SLC9A5: variants seen among roughly 807,000 people sequenced by gnomAD.
The protein encoded by SLC9A5 is solute carrier family 9 member A5.
In SLC9A5, 52 loss-of-function variants were observed where a neutral mutation model predicts 91.7. That is an observed-to-expected ratio of 0.57 (90% confidence interval 0.45 to 0.71). The LOEUF is 0.71. Among genes scored for constraint, SLC9A5 ranks in the 30% least tolerant of loss-of-function variants. The pLI is 0.00. For synonymous variants in SLC9A5, 419 were observed against 474.5 expected (o/e 0.88, Z 1.52); for missense variants, 871 against 1,158.9 (o/e 0.75, Z 3.61).
chr16:67,257,187 G>A lies in SLC9A5; in HGVS notation c.1335+74G>A. ...GGGGAGTCTTGGAGCCTGTGGGACAGGGGCTTCTCTTCCCGCTGGGAGATG... is the reference window on the plus strand; with the variant it reads ...GGGGAGTCTTGGAGCCTGTGGGACAAGGGCTTCTCTTCCCGCTGGGAGATG... On this transcript the variant is annotated intron_variant, in intron 7 of 15. Coordinates refer to ENST00000299798, the MANE Select transcript of SLC9A5 (RefSeq NM_004594.3). The surrounding 1 kb of genome is among the most constrained non-coding windows in gnomAD (Gnocchi z 5.1). The A allele has an allele frequency of 6.8e-7, 1 of 1,472,324 alleles. No individual in the cohort carries two copies. Among genetic ancestry groups the A allele is most frequent in the Non-Finnish European group, 9.3e-7 (1 of 1,074,608 alleles). 91.2% of individuals were successfully genotyped at this position (1,472,324 alleles called of 1,614,324 possible).
In SLC9A5 at chr16:67,258,400, G is replaced by A. The variant is rs1220764916; in HGVS notation, c.1579G>A (p.Val527Met). The change falls in exon 10 of 16, where the codon GTG (valine) becomes ATG (methionine). Residue 527 changes from valine (V) to methionine (M), a missense_variant. By Grantham distance (21) the Val-to-Met change is conservative. Coordinates refer to ENST00000299798, the MANE Select transcript of SLC9A5 (RefSeq NM_004594.3). The surrounding 1 kb of genome is among the most constrained non-coding windows in gnomAD (Gnocchi z 4.5). ...AYRIRDQIWD[V>M]YYRLNIRDAI... ...CCGCATCCGGGACCAGATCTGGGATGTGTACTACAGGCTTAACATCCGGGA... is the reference window on the plus strand; with the variant it reads ...CCGCATCCGGGACCAGATCTGGGATATGTACTACAGGCTTAACATCCGGGA... 6.2e-7 allele frequency: 1 copy of A among 1,614,220 alleles called. No individual in the cohort carries two copies. Among genetic ancestry groups the A allele is most frequent in the South Asian group, 1.1e-5 (1 of 91,088 alleles).
chr16:67,259,615 A>C lies in SLC9A5; in HGVS notation c.1669A>C (p.Met557Leu). The change falls in exon 11 of 16, where the codon ATG (methionine) becomes CTG (leucine). Residue 557 changes from methionine (M) to leucine (L), a missense_variant. By Grantham distance (15) the Met-to-Leu change is conservative (BLOSUM62 2). Transcript: ENST00000299798. ...TTCCACAGGTCTCACTCTGCCTTCT[A>C]TGCCCAGCCGCAATTCTGTGGCAGA... ...LSSTGLTLPS[M>L]PSRNSVAETS... 6.2e-7 allele frequency: 1 copy of C among 1,614,076 alleles called. No homozygotes were observed. Among genetic ancestry groups the C allele is most frequent in the Non-Finnish European group, 8.5e-7 (1 of 1,180,010 alleles).
rs1455876706 is a variant in SLC9A5, at chr16:67,258,593, A to G, written c.1626+146A>G. 1 of 925,534 alleles carries G rather than the reference A, an allele frequency of 1.1e-6. No homozygotes were observed. Among genetic ancestry groups the G allele is most frequent in the Non-Finnish European group, 1.7e-6 (1 of 600,414 alleles). The allele number at this position is 925,534 out of a possible 1,614,324, so 57.3% of individuals were successfully genotyped here. A position where few individuals can be genotyped will look rare whatever the true frequency, so the allele number is the denominator to read the frequency against. On this transcript the variant is annotated intron_variant, in intron 10 of 15. Coordinates refer to ENST00000299798, the MANE Select transcript of SLC9A5 (RefSeq NM_004594.3). The surrounding 1 kb of genome is among the most constrained non-coding windows in gnomAD (Gnocchi z 4.5). The stretch of plus-strand genomic sequence containing the variant: ...CATGGTCTGGTGAAGTGGCAGCGGC[A>G]GGAAGCAGCTGGGTCTGGTGCTGAC...
chr16:67,271,140 A>G lies in SLC9A5; in HGVS notation c.2621A>G (p.His874Arg), dbSNP rs1213094114. The G allele has an allele frequency of 2.5e-6, 4 of 1,613,426 alleles. No homozygotes were observed. Among genetic ancestry groups the G allele is most frequent in the Non-Finnish European group, 3.4e-6 (4 of 1,180,034 alleles). ...CAGCCCCTCATGGGCCACAAGGACC[A>G]CACCCATCTCAGCCCAGGCACCGCT... ...ELQPLMGHKD[H>R]THLSPGTATS... The change falls in exon 16 of 16, where the codon CAC becomes CGC. Residue 874 changes from histidine (H) to arginine (R), a missense_variant. By Grantham distance (29) the His-to-Arg change is conservative. Coordinates refer to ENST00000299798, the MANE Select transcript of SLC9A5 (RefSeq NM_004594.3).
rs1253147691 is a variant in SLC9A5, at chr16:67,256,069, C to G, written c.911+139C>G. On this transcript the variant is annotated intron_variant, in intron 5 of 15. Transcript: ENST00000299798. This position sits in a 1 kb window ranked among gnomAD's most constrained non-coding sequence, Gnocchi z 4.1. ...GTGGTAGTGGGAGCCTCAGACTGTC[C>G]TGGGGAGTCAGTAAACCTCAGCAAT... is the stretch of plus-strand genomic sequence containing the variant. The G allele has an allele frequency of 1.1e-6, 1 of 906,542 alleles. No homozygotes were observed. 56.2% of individuals were successfully genotyped at this position (906,542 alleles called of 1,614,324 possible). A position where few individuals can be genotyped will look rare whatever the true frequency, so the allele number is the denominator to read the frequency against.
chr16:67,266,662 TC>T, intron 15 of SLC9A5, among the ~76,000 whole-genome samples: 1 of 152,150 alleles, frequency 6.6e-6, no homozygotes, highest in South Asian at 2.1e-4. Context: ...TGCCTCAGCC[TC>T]CCTAGTAGCT....
In SLC9A5 at chr16:67,252,708, C is replaced by T; in HGVS notation, c.354C>T (p.Asp118=). The change falls in exon 2 of 16, where the codon GAC becomes GAT. Residue 118 remains aspartate (D), a synonymous_variant. Transcript: ENST00000299798. The surrounding 1 kb of genome is among the most constrained non-coding windows in gnomAD (Gnocchi z 4.0). The part of the protein sequence containing the change: ...FLFLLPPIVL[D]SGYFMPSRLF... ...TCCTGCTGCCTCCTATTGTGTTGGA[C>T]TCAGGCTATTTCATGCCTAGCAGGC... is the stretch of plus-strand genomic sequence containing the variant. 6.2e-7 allele frequency: 1 copy of T among 1,614,250 alleles called. No individual in the cohort carries two copies. The highest frequency in any genetic ancestry group is 8.5e-7 in the Non-Finnish European group (1 of 1,180,044).
In SLC9A5 at chr16:67,258,738, T is replaced by C. The variant is rs1432407451; in HGVS notation, c.1626+291T>C. The stretch of plus-strand genomic sequence containing the variant: ...AAGCACACTCTCTGAGCCTGTTTCC[T>C]TAGCTGTAAGAAAGCAGGCATAAGA... On this transcript the variant is annotated intron_variant, in intron 10 of 15. Coordinates refer to ENST00000299798, the MANE Select transcript of SLC9A5 (RefSeq NM_004594.3). This position sits in a 1 kb window ranked among gnomAD's most constrained non-coding sequence, Gnocchi z 4.5. Among the ~76,000 whole-genome samples the C allele has an allele frequency of 6.6e-6, 1 of 152,200 alleles. No individual in the cohort carries two copies. Among genetic ancestry groups the C allele is most frequent in the African/African-American group, 2.4e-5 (1 of 41,460 alleles).
rs1426400562 is a variant in SLC9A5, at chr16:67,256,421, C to T, written c.912-48C>T. 13 of 1,338,726 alleles carry T rather than the reference C, an allele frequency of 9.7e-6. No homozygotes were observed. The highest frequency in any genetic ancestry group is 7.0e-5 in the South Asian group (6 of 85,678). 82.9% of individuals were successfully genotyped at this position (1,338,726 alleles called of 1,614,324 possible). On this transcript the variant is annotated intron_variant, in intron 5 of 15. Transcript: ENST00000299798. This position sits in a 1 kb window ranked among gnomAD's most constrained non-coding sequence, Gnocchi z 4.1. ...GTATGCTCAAACCCTGGAGGCTGAG[C>T]CCCCTGGAACCCTTCCCCACTTGCC...
chr16:67,266,445 A>T (rs2035707340), intron 15 of SLC9A5, among the ~76,000 whole-genome samples: 1 of 152,194 alleles, frequency 6.6e-6, no homozygotes, highest in Non-Finnish European at 1.5e-5. Flanking sequence ...AGCTTAAGAG[A>T]CTTGTGACTT....
At chr16:67,254,950 G>C (rs367569759) in intron 2 of SLC9A5, 71 bp from the exon 3 acceptor site, 1 of 1,501,692 alleles carries the variant, frequency 6.7e-7, no homozygotes, top group Non-Finnish European at 9.1e-7. Context: ...GCCTGGGCTT[G>C]TTCCAGGGCG....
chr16:67,259,671 T>A lies in SLC9A5; in HGVS notation c.1715+10T>A. ...CTGTCACCAACCTGCTGTGAGTCCTTGAGCCCCTTCCCCTTCCTCATACTC... is the reference window on the plus strand; with the variant it reads ...CTGTCACCAACCTGCTGTGAGTCCTAGAGCCCCTTCCCCTTCCTCATACTC... On this transcript the variant is annotated intron_variant, in intron 11 of 15. Transcript: ENST00000299798. 1 of 1,613,292 alleles carries A rather than the reference T, an allele frequency of 6.2e-7. No individual in the cohort carries two copies. The highest frequency in any genetic ancestry group is 8.5e-7 in the Non-Finnish European group (1 of 1,179,294).
In SLC9A5 at chr16:67,258,208, T is replaced by C; in HGVS notation, c.1497-110T>C. 1 of 1,093,186 alleles carries C rather than the reference T, an allele frequency of 9.1e-7. No homozygotes were observed. Among genetic ancestry groups the C allele is most frequent in the Non-Finnish European group, 1.3e-6 (1 of 742,054 alleles). The allele number at this position is 1,093,186 out of a possible 1,614,324, so 67.7% of individuals were successfully genotyped here. On this transcript the variant is annotated intron_variant, in intron 9 of 15. Coordinates refer to ENST00000299798, the MANE Select transcript of SLC9A5 (RefSeq NM_004594.3). The surrounding 1 kb of genome is among the most constrained non-coding windows in gnomAD (Gnocchi z 4.5). ...TGAGATTCTCTCTGGCTGAGGCCCA[T>C]ATCTAAAAAGCCAGGCCAGTGCTGA... is the stretch of plus-strand genomic sequence containing the variant.
At chr16:67,268,658 T>TTATA (rs60054219) in intron 15 of SLC9A5, among the ~76,000 whole-genome samples, 967 of 41,766 alleles carry the variant, frequency 0.023, 34 homozygotes, top group Non-Finnish European at 0.03. Context: ...ATTTCCCTGA[T>TTATA]TATATATATA....
Position 67,256,891 on chromosome 16 carries a change from T to C in SLC9A5, c.1133-20T>C. 1 of 1,611,918 alleles carries C rather than the reference T, an allele frequency of 6.2e-7. No homozygotes were observed. Among genetic ancestry groups the C allele is most frequent in the Non-Finnish European group, 8.5e-7 (1 of 1,179,108 alleles). On this transcript the variant is annotated intron_variant, in intron 6 of 15. Transcript: ENST00000299798. The surrounding 1 kb of genome is among the most constrained non-coding windows in gnomAD (Gnocchi z 4.1). ...TCCACTCCCAACGCTTTGCTCCCAC[T>C]GGCCTCCCTCCCGCTGTAGGCGTAG...
intron 1 of SLC9A5, among the ~76,000 whole-genome samples, chr16:67,250,120 A>C (rs1364146151): frequency 6.6e-6 from 1 of 152,132 alleles, no homozygotes; most frequent in Non-Finnish European, 1.5e-5. Context: ...TACAGCCTTC[A>C]TGGAGGAATC....
rs1171039246 is a variant in SLC9A5, at chr16:67,255,688, G to A, written c.734-65G>A. ...ATCATCCCTCACTCCCTGCCAGGCA[G>A]CAGTCTTGTCAGCCCGGGTAGGGTC... On this transcript the variant is annotated intron_variant, in intron 4 of 15. Coordinates refer to ENST00000299798, the MANE Select transcript of SLC9A5 (RefSeq NM_004594.3). This position sits in a 1 kb window ranked among gnomAD's most constrained non-coding sequence, Gnocchi z 4.9. The A allele has an allele frequency of 6.7e-7, 1 of 1,492,636 alleles. No individual in the cohort carries two copies. 92.5% of individuals were successfully genotyped at this position (1,492,636 alleles called of 1,614,324 possible). A position where few individuals can be genotyped will look rare whatever the true frequency, so the allele number is the denominator to read the frequency against.
At position 67,258,248 on chromosome 16, in the gene SLC9A5, C is replaced by T. The variant is rs990191173; in HGVS notation, c.1497-70C>T. On this transcript the variant is annotated intron_variant, in intron 9 of 15. Transcript: ENST00000299798. This position sits in a 1 kb window ranked among gnomAD's most constrained non-coding sequence, Gnocchi z 4.5. Reference sequence around the variant, plus strand: ...GCCAGTGCTGACGGTGTCCTTGCCCCGTCTGAGGAAGGGCCACCTGGCCAG... The same window carrying T: ...GCCAGTGCTGACGGTGTCCTTGCCCTGTCTGAGGAAGGGCCACCTGGCCAG... The T allele has an allele frequency of 1.2e-4, 185 of 1,566,076 alleles. No homozygotes were observed. The highest frequency in any genetic ancestry group is 3.4e-4 in the Middle Eastern group (2 of 5,946).
rs2035885891 is a variant in SLC9A5, at chr16:67,270,701, T to C, written c.2219-37T>C. 2 of 1,357,166 alleles carry C rather than the reference T, an allele frequency of 1.5e-6. No homozygotes were observed. The highest frequency in any genetic ancestry group is 2.3e-5 in the Admixed American group (1 of 43,330). 84.1% of individuals were successfully genotyped at this position (1,357,166 alleles called of 1,614,324 possible). ...GTGCTTATACTTGAGATTTCCACTGTATTGGTAATGAGTTCATGTGTACTC... is the reference window on the plus strand; with the variant it reads ...GTGCTTATACTTGAGATTTCCACTGCATTGGTAATGAGTTCATGTGTACTC... On this transcript the variant is annotated intron_variant, in intron 15 of 15. Transcript: ENST00000299798. This position sits in a 1 kb window ranked among gnomAD's most constrained non-coding sequence, Gnocchi z 4.3.
Sources: allele counts gnomAD v4.1 joint callset (sites outside exome capture counted in the v4.1 genomes callset), GRCh38; gene constraint gnomAD v4.1.1; non-coding constraint Gnocchi (gnomAD v3.1); transcripts MANE v1.5; gene names NCBI Gene and HGNC (gene_info 2026-07-23, HGNC 2026-07-21).